Variants in ISG20 observed in about 807,000 individuals in gnomAD.
ISG20 encodes interferon-stimulated gene 20 kDa protein.
A neutral mutation model predicts 11.1 loss-of-function variants in ISG20; 8 were observed. The ratio of observed to expected loss-of-function variants is 0.72; its 90% CI spans 0.42 to 1.30. ISG20 has a LOEUF of 1.30. Ranked by LOEUF, ISG20 falls within the 50% of genes most tolerant of loss-of-function variation. The pLI, the probability that ISG20 is intolerant of heterozygous loss-of-function variation, is 0.01. For synonymous variants in ISG20, 110 were observed against 101.7 expected (o/e 1.08, Z -0.49); for missense variants, 243 against 250.2 (o/e 0.97, Z 0.19).
chr15:88,645,855 C>T (rs1425100027), intron 2 of ISG20, among the ~76,000 whole-genome samples: 1 of 152,250 alleles, frequency 6.6e-6, no homozygotes, highest in Non-Finnish European at 1.5e-5. Flanking sequence ...CATTCATTCA[C>T]ACCATCTGTC....
At chr15:88,639,013 G>A, upstream of ISG20, 1 of 366,016 alleles carries the variant, frequency 2.7e-6, no homozygotes, top group Non-Finnish European at 5.1e-6. This position sits in a 1 kb window ranked among gnomAD's most constrained non-coding sequence, Gnocchi z 4.2. Context: ...GCTGAGAGCA[G>A]CTGCAGTAGC....
At position 88,650,561 on chromosome 15, in the gene ISG20, T is replaced by C; in HGVS notation, c.229-1549T>C. 2.0e-6 allele frequency: 2 copies of C among 978,078 alleles called. No individual in the cohort carries two copies. Among genetic ancestry groups the C allele is most frequent in the South Asian group, 1.7e-5 (1 of 58,216 alleles). The allele number at this position is 978,078 out of a possible 1,614,324, so 60.6% of individuals were successfully genotyped here. ...CCGGTTCAAACAATGTCAATACTTA[T>C]TTCGCTCGGCCACCTGCAGTTTGGG... On this transcript the variant is annotated intron_variant, in intron 2 of 3. Transcript: ENST00000306072. This position sits in a 1 kb window ranked among gnomAD's most constrained non-coding sequence, Gnocchi z 4.0.
intron 3 of ISG20, among the ~76,000 whole-genome samples, chr15:88,654,663 A>G (rs2058345282): frequency 6.6e-6 from 1 of 152,206 alleles, no homozygotes; most frequent in Non-Finnish European, 1.5e-5. Flanking sequence ...CAGCTGCACA[A>G]CTGGCTGGCT....
rs2058249929 is a variant in ISG20 at position 88,650,204 on chromosome 15, C to T, written c.229-1906C>T. On this transcript the variant is annotated intron_variant, in intron 2 of 3. Coordinates refer to ENST00000306072, the MANE Select transcript of ISG20 (RefSeq NM_002201.6). The surrounding 1 kb of genome is among the most constrained non-coding windows in gnomAD (Gnocchi z 4.0). ...GACTAGCCACGAGCCGCCCCTTTCC[C>T]TAATAGAGCTCACATCTGTTCTATT... 1 of 1,522,702 alleles carries T rather than the reference C, an allele frequency of 6.6e-7. No homozygotes were observed. Among genetic ancestry groups the T allele is most frequent in the Admixed American group, 2.0e-5 (1 of 50,974 alleles). 94.3% of individuals were successfully genotyped at this position (1,522,702 alleles called of 1,614,324 possible).
At chr15:88,646,151 C>G (rs1228270537) in intron 2 of ISG20, among the ~76,000 whole-genome samples, 1 of 152,208 alleles carries the variant, frequency 6.6e-6, no homozygotes, top group Non-Finnish European at 1.5e-5. Flanking sequence ...GCTCTGTGTC[C>G]TCTAGCTTGT....
chr15:88,643,554 A>G lies in ISG20; in HGVS notation c.228+3960A>G, dbSNP rs1489800749. ...ACCCATCTCTACTGAAAATGCAAAA[A>G]TTAGCCGGGTGTGGTGGTGGGTGCC... On this transcript the variant is annotated intron_variant, in intron 2 of 3. Transcript: ENST00000306072. This position sits in a 1 kb window ranked among gnomAD's most constrained non-coding sequence, Gnocchi z 4.4. 6.6e-6 allele frequency among the ~76,000 whole-genome samples: 1 copy of G among 152,078 alleles called. No individual in the cohort carries two copies. Among genetic ancestry groups the G allele is most frequent in the Non-Finnish European group, 1.5e-5 (1 of 68,022 alleles).
chr15:88,643,627 C>T lies in ISG20; in HGVS notation c.228+4033C>T, dbSNP rs2141392973. Among the ~76,000 whole-genome samples, 1 of 152,272 alleles carries T rather than the reference C, an allele frequency of 6.6e-6. No individual in the cohort carries two copies. Among genetic ancestry groups the T allele is most frequent in the South Asian group, 2.1e-4 (1 of 4,822 alleles). On this transcript the variant is annotated intron_variant, in intron 2 of 3. Transcript: ENST00000306072. The surrounding 1 kb of genome is among the most constrained non-coding windows in gnomAD (Gnocchi z 4.4). Reference sequence around the variant, plus strand: ...GCTGACGCAGGAGAATCGCTTAAACCCAGGAGGCGGAAGTTGCAGTGAGCC... The same window carrying T: ...GCTGACGCAGGAGAATCGCTTAAACTCAGGAGGCGGAAGTTGCAGTGAGCC...
In ISG20 at chr15:88,651,802, T is replaced by C; in HGVS notation, c.229-308T>C. 6 of 1,210,748 alleles carry C rather than the reference T, an allele frequency of 5.0e-6. No individual in the cohort carries two copies. In the South Asian group the frequency reaches 7.7e-5, roughly 16 times the overall value. 75.0% of individuals were successfully genotyped at this position (1,210,748 alleles called of 1,614,324 possible). On this transcript the variant is annotated intron_variant, in intron 2 of 3. Coordinates refer to ENST00000306072, the MANE Select transcript of ISG20 (RefSeq NM_002201.6). ...GTTGGGAAGATTAAACAACATAATA[T>C]ACATGACGTATGTTGAGGCACGCTT...
rs146244798 is a variant in ISG20, at chr15:88,652,592, G to A, written c.429+282G>A. Among the ~76,000 whole-genome samples the A allele has an allele frequency of 4.6e-3, 288 of 62,552 alleles. 8 individuals are homozygous for A. Among genetic ancestry groups the A allele is most frequent in the South Asian group, 0.021 (24 of 1,148 alleles). 41.0% of individuals were successfully genotyped at this position (62,552 alleles called of 152,430 possible). A position where few individuals can be genotyped will look rare whatever the true frequency, so the allele number is the denominator to read the frequency against. ...CCCCCTCCCCCTCCCCCACCTCCTC[G>A]CTCTTCTCCCCTTCTTCCCCTTCCT... On this transcript the variant is annotated intron_variant, in intron 3 of 3. Transcript: ENST00000306072.
upstream of ISG20, among the ~76,000 whole-genome samples, chr15:88,636,607 G>T (rs2057989112): frequency 6.6e-6 from 1 of 152,152 alleles, no homozygotes; most frequent in Non-Finnish European, 1.5e-5. Context: ...GGAGTGTATT[G>T]GCACTGTCAT....
chr15:88,640,468 CAG>C (rs2058061514), intron 2 of ISG20, among the ~76,000 whole-genome samples: 2 of 152,230 alleles, frequency 1.3e-5, no homozygotes, highest in Non-Finnish European at 2.9e-5. Context: ...GGCAGGTCCT[CAG>C]GAACTGTTAA....
At position 88,650,257 on chromosome 15, in the gene ISG20, C is replaced by T. The variant is rs769012269; in HGVS notation, c.229-1853C>T. 2.2e-4 allele frequency: 338 copies of T among 1,535,586 alleles called. 2 individuals carry two copies. The highest frequency in any genetic ancestry group is 5.0e-4 in the Middle Eastern group (3 of 6,012). Reference sequence around the variant, plus strand: ...CAGGTCCCCTTCCCATCCTCTCCAACGGCAGCTGAGTGAAAGCAAGCTGAC... The same window carrying T: ...CAGGTCCCCTTCCCATCCTCTCCAATGGCAGCTGAGTGAAAGCAAGCTGAC... On this transcript the variant is annotated intron_variant, in intron 2 of 3. Coordinates refer to ENST00000306072, the MANE Select transcript of ISG20 (RefSeq NM_002201.6). This position sits in a 1 kb window ranked among gnomAD's most constrained non-coding sequence, Gnocchi z 4.0.
At chr15:88,638,396 G>A (rs1050486297), upstream of ISG20, among the ~76,000 whole-genome samples, 5 of 152,310 alleles carry the variant, frequency 3.3e-5, no homozygotes, top group African/African-American at 9.6e-5. Context: ...GGCTGGTGGG[G>A]CCTCCCCGAA....
chr15:88,650,419 C>T lies in ISG20; in HGVS notation c.229-1691C>T. ...CGTTCACTCTTCTGGCTCAGTGTGG[C>T]AGTGGCAGGCGGGCTCTGGATTCAT... On this transcript the variant is annotated intron_variant, in intron 2 of 3. Transcript: ENST00000306072. This position sits in a 1 kb window ranked among gnomAD's most constrained non-coding sequence, Gnocchi z 4.0. 1.3e-6 allele frequency: 2 copies of T among 1,499,770 alleles called. No homozygotes were observed. Among genetic ancestry groups the T allele is most frequent in the Admixed American group, 4.2e-5 (2 of 48,150 alleles). The allele number at this position is 1,499,770 out of a possible 1,614,324, so 92.9% of individuals were successfully genotyped here. A position where few individuals can be genotyped will look rare whatever the true frequency, so the allele number is the denominator to read the frequency against.
intron 3 of ISG20, among the ~76,000 whole-genome samples, chr15:88,654,185 A>G (rs1167118863): frequency 6.6e-6 from 1 of 152,088 alleles, no homozygotes; most frequent in Non-Finnish European, 1.5e-5. Flanking sequence ...TTCCTTCTCC[A>G]TAGAGCAGAG....
chr15:88,653,752 C>T (rs1301041055), intron 3 of ISG20, among the ~76,000 whole-genome samples: 1 of 141,010 alleles, frequency 7.1e-6, no homozygotes, highest in Non-Finnish European at 1.5e-5. Context: ...CTACTGATCA[C>T]TGTGACCAGA....
At chr15:88,642,400 C>T (rs1468346223) in intron 2 of ISG20, among the ~76,000 whole-genome samples, 2 of 152,120 alleles carry the variant, frequency 1.3e-5, no homozygotes, top group African/African-American at 4.8e-5. Flanking sequence ...TTTGAGAGAG[C>T]GGGACACAGT....
Position 88,650,437 on chromosome 15 carries a change from G to T in ISG20, c.229-1673G>T. The stretch of plus-strand genomic sequence containing the variant: ...AGTGTGGCAGTGGCAGGCGGGCTCT[G>T]GATTCATCCCACTGGCTTCAAGGCC... On this transcript the variant is annotated intron_variant, in intron 2 of 3. Transcript: ENST00000306072. The surrounding 1 kb of genome is among the most constrained non-coding windows in gnomAD (Gnocchi z 4.0). 1 of 1,477,996 alleles carries T rather than the reference G, an allele frequency of 6.8e-7. No individual in the cohort carries two copies. Among genetic ancestry groups the T allele is most frequent in the African/African-American group, 1.4e-5 (1 of 71,872 alleles). The allele number at this position is 1,477,996 out of a possible 1,614,324, so 91.6% of individuals were successfully genotyped here. A position where few individuals can be genotyped will look rare whatever the true frequency, so the allele number is the denominator to read the frequency against.
At chr15:88,644,463 C>T (rs143769921) in intron 2 of ISG20, among the ~76,000 whole-genome samples, 13 of 142,030 alleles carry the variant, frequency 9.2e-5, no homozygotes, top group African/African-American at 3.1e-4. Context: ...ACCCGGGAGG[C>T]GGAGGTTGCT....
Sources: gnomAD v4.1 joint callset for allele counts (sites outside exome capture counted in the v4.1 genomes callset) on GRCh38, gnomAD v4.1.1 for gene constraint, Gnocchi (gnomAD v3.1) non-coding constraint, MANE v1.5 for transcripts, NCBI Gene and HGNC (gene_info 2026-07-23, HGNC 2026-07-21) for gene names.